The following NLRP10 variants were observed in gnomAD, a reference collection of about 807,000 sequenced individuals.
NLRP10 encodes the protein NACHT, LRR and PYD domains-containing protein 10.
Under a neutral mutation model 8.2 loss-of-function variants are expected in NLRP10, and 7 were observed. The ratio of observed to expected loss-of-function variants is 0.85; its 90% CI spans 0.48 to 1.60. The LOEUF (loss-of-function observed/expected upper bound fraction) is 1.60, where lower values mean the gene tolerates loss of function less well. Ranked by LOEUF, NLRP10 falls within the 40% of genes most tolerant of loss-of-function variation. The pLI is 0.00. For synonymous variants in NLRP10, 338 were observed against 314.0 expected (o/e 1.08, Z -0.81); for missense variants, 814 against 776.3 (o/e 1.05, Z -0.58).
Position 7,960,632 on chromosome 11 carries a change from T to C in NLRP10, c.980A>G (p.Tyr327Cys), listed in dbSNP as rs142828337. ...EEERARYFSS[Y>C]FTDEKQADRA... ...GTCAGCTTGCTTCTCATCCGTGAAATAGGAGCTGAAGTACCTCGCCCTCTC... is the reference window on the plus strand; with the variant it reads ...GTCAGCTTGCTTCTCATCCGTGAAACAGGAGCTGAAGTACCTCGCCCTCTC... Residue 327 changes from tyrosine to cysteine, a missense_variant, in exon 3 of 3, where the codon TAT (tyrosine) becomes TGT (cysteine). Transcript: ENST00000691676. 92 of 1,614,032 alleles carry C rather than the reference T, an allele frequency of 5.7e-5. No individual in the cohort carries two copies. The highest frequency in any genetic ancestry group is 7.2e-5 in the Non-Finnish European group (85 of 1,180,022).
chr11:7,964,495 T>C (rs1941788375), intron 1 of NLRP10, among the ~76,000 whole-genome samples: 1 of 152,350 alleles, frequency 6.6e-6, no homozygotes, highest in African/African-American at 2.4e-5. Flanking sequence ...TTACATATCC[T>C]TTTTGATCAT....
rs199475852 is a variant in NLRP10, at chr11:7,963,799, C to T, written c.-45-259G>A. 4.2e-6 allele frequency: 1 copy of T among 238,134 alleles called. No individual in the cohort carries two copies. The highest frequency in any genetic ancestry group is 7.3e-6 in the Non-Finnish European group (1 of 137,082). 14.8% of individuals were successfully genotyped at this position (238,134 alleles called of 1,614,324 possible). A position where few individuals can be genotyped will look rare whatever the true frequency, so the allele number is the denominator to read the frequency against. On this transcript the variant is annotated intron_variant, in intron 1 of 2. Coordinates refer to ENST00000691676, the MANE Select transcript of NLRP10 (RefSeq NM_001391958.1). ...ATCTCTCAATCTCTCTCTCTCTCCC[C>T]CAAACTCTATCTCTGTCTCTCTCTC...
chr11:7,962,468 C>T (rs1941749033), intron 2 of NLRP10, among the ~76,000 whole-genome samples: 1 of 151,858 alleles, frequency 6.6e-6, no homozygotes, highest in African/African-American at 2.4e-5. Flanking sequence ...GATCTCCTGA[C>T]CTCGTGATCC....
chr11:7,961,825 A>T (rs1941736654), intron 2 of NLRP10, among the ~76,000 whole-genome samples: 1 of 152,130 alleles, frequency 6.6e-6, no homozygotes, highest in Non-Finnish European at 1.5e-5. Flanking sequence ...TTGGGTGTTT[A>T]TCCCCTCCAA....
In NLRP10 at chr11:7,959,942, T is replaced by C; in HGVS notation, c.1670A>G (p.His557Arg). Residue 557 changes from histidine (H) to arginine (R), a missense_variant, in exon 3 of 3, where the codon CAC becomes CGC. Physicochemically the swap from His to Arg is conservative, Grantham distance 29 (BLOSUM62 0). Coordinates refer to ENST00000691676, the MANE Select transcript of NLRP10 (RefSeq NM_001391958.1). ...HFKEQMESMKHNRTWDLEFSL... is the reference protein window; with the variant it reads ...HFKEQMESMKRNRTWDLEFSL... The stretch of plus-strand genomic sequence containing the variant: ...GAATTCCAAATCCCAGGTCCTGTTG[T>C]GCTTCATAGATTCCATCTGTTCTTT... The C allele has an allele frequency of 6.2e-7, 1 of 1,614,214 alleles. No homozygotes were observed. Among genetic ancestry groups the C allele is most frequent in the Non-Finnish European group, 8.5e-7 (1 of 1,180,028 alleles).
At chr11:7,962,560 C>T (rs531611034) in intron 2 of NLRP10, among the ~76,000 whole-genome samples, 1 of 152,228 alleles carries the variant, frequency 6.6e-6, no homozygotes, top group South Asian at 2.1e-4. Context: ...TGGGAAAGGA[C>T]AAGCCAAATG....
Position 7,960,232 on chromosome 11 carries a change from C to T in NLRP10, c.1380G>A (p.Lys460=). 1 of 1,614,174 alleles carries T rather than the reference C, an allele frequency of 6.2e-7. No homozygotes were observed. Among genetic ancestry groups the T allele is most frequent in the Non-Finnish European group, 8.5e-7 (1 of 1,180,032 alleles). Residue 460 remains lysine, a synonymous_variant, in exon 3 of 3, where the codon AAG becomes AAA. Transcript: ENST00000691676. The stretch of plus-strand genomic sequence containing the variant: ...AGCTGATGTGGCGGAAGCTGTAGAA[C>T]TTCTTGATGGCAAGTCCCAATTGGT... The part of the protein sequence containing the change: ...NDYQLGLAIK[K]FYSFRHISFQ...
In NLRP10 at chr11:7,963,379, C is replaced by T. The variant is rs762937355; in HGVS notation, c.117G>A (p.Glu39=). ...KFYLRDMTLS[E]GQPPLARGEL... ...CCCCTCTGGCCAGTGGGGGCTGGCC[C>T]TCAGACAGGGTCATATCCCGTAAGT... The change falls in exon 2 of 3, where the codon GAG becomes GAA. Residue 39 remains glutamate (E), a synonymous_variant. Coordinates refer to ENST00000691676, the MANE Select transcript of NLRP10 (RefSeq NM_001391958.1). 2 of 1,614,204 alleles carry T rather than the reference C, an allele frequency of 1.2e-6. No homozygotes were observed. Among genetic ancestry groups the T allele is most frequent in the South Asian group, 2.2e-5 (2 of 91,084 alleles).
Position 7,963,301 on chromosome 11 carries a change from A to G in NLRP10, c.195T>C (p.Tyr65=), listed in dbSNP as rs1941764222. 1 of 1,614,192 alleles carries G rather than the reference A, an allele frequency of 6.2e-7. No individual in the cohort carries two copies. Among genetic ancestry groups the G allele is most frequent in the East Asian group, 2.2e-5 (1 of 44,876 alleles). Residue 65 remains tyrosine, a synonymous_variant, in exon 2 of 3, where the codon TAT becomes TAC. Coordinates refer to ENST00000691676, the MANE Select transcript of NLRP10 (RefSeq NM_001391958.1). The part of the protein sequence containing the change: ...VDLAELLISK[Y]GEKEAVKVVL... ...CAACTTTCACAGCCTCCTTTTCTCC[A>G]TACTTTGAAATCAGTAATTCTGCCA...
Position 7,965,402 on chromosome 11 carries a change from CTCA to C in NLRP10, c.-205_-203del, listed in dbSNP as rs1037365149. 1 of 152,190 alleles carries C rather than the reference CTCA, an allele frequency of 6.6e-6. No individual in the cohort carries two copies. The highest frequency in any genetic ancestry group is 2.4e-5 in the African/African-American group (1 of 41,426). 9.4% of individuals were successfully genotyped at this position (152,190 alleles called of 1,614,324 possible). On this transcript the variant is annotated 5_prime_UTR_variant, in exon 1 of 3. Transcript: ENST00000691676. ...CAAGTTTGGGCTCTCTTAGCCCATACTCACTAGTTCACTTCTGTTTGGTGGTGC... is the reference window on the plus strand; with the variant it reads ...CAAGTTTGGGCTCTCTTAGCCCATACCTAGTTCACTTCTGTTTGGTGGTGC...
rs1321569371 is a variant in NLRP10 at position 7,958,731 on chromosome 11, G to A, written c.*913C>T. Among the ~76,000 whole-genome samples, 1 of 152,084 alleles carries A rather than the reference G, an allele frequency of 6.6e-6. No homozygotes were observed. Among genetic ancestry groups the A allele is most frequent in the Non-Finnish European group, 1.5e-5 (1 of 68,008 alleles). On this transcript the variant is annotated 3_prime_UTR_variant, in exon 3 of 3. Coordinates refer to ENST00000691676, the MANE Select transcript of NLRP10 (RefSeq NM_001391958.1). ...CGCCCGGCTAACTTTCGTATTTTTAGTAAAGACGGGGTTTCACCACATTGG... is the reference window on the plus strand; with the variant it reads ...CGCCCGGCTAACTTTCGTATTTTTAATAAAGACGGGGTTTCACCACATTGG...
At position 7,960,671 on chromosome 11, in the gene NLRP10, C is replaced by G; in HGVS notation, c.941G>C (p.Gly314Ala). 6.2e-7 allele frequency: 1 copy of G among 1,614,156 alleles called. No homozygotes were observed. Among genetic ancestry groups the G allele is most frequent in the East Asian group, 2.2e-5 (1 of 44,880 alleles). ...LKQARHVHIL[G>A]FSEEERARYF... is the part of the protein sequence containing the mutation. ...CCTCGCCCTCTCCTCCTCAGAGAAGCCTAGGATATGGACATGACGTGCTTG... is the reference window on the plus strand; with the variant it reads ...CCTCGCCCTCTCCTCCTCAGAGAAGGCTAGGATATGGACATGACGTGCTTG... Residue 314 changes from glycine to alanine, a missense_variant, in exon 3 of 3, where the codon GGC (glycine) becomes GCC (alanine). Transcript: ENST00000691676.
chr11:7,963,566 T>TACACTGCTGAGAGGC, intron 1 of NLRP10, 26 bp from the exon 2 acceptor site: 5 of 1,436,442 alleles, frequency 3.5e-6, no homozygotes, highest in Non-Finnish European at 3.8e-6. Flanking sequence ...AAAGGAGAGG[T>TACACTGCTGAGAGGC]CCACTGCTGA....
intron 1 of NLRP10, 111 bp from the exon 2 acceptor site, chr11:7,963,651 A>G: frequency 3.3e-6 from 2 of 613,888 alleles, no homozygotes; most frequent in Non-Finnish European, 5.6e-6. Flanking sequence ...TACATGTGCA[A>G]AGCTCCAAGA....
rs1355296553 is a variant in NLRP10, at chr11:7,960,271, C to T, written c.1341G>A (p.Leu447=). The change falls in exon 3 of 3, where the codon CTG becomes CTA. Residue 447 remains leucine (L), a synonymous_variant. Transcript: ENST00000691676. The part of the protein sequence containing the change: ...NLDGPRLAAF[L]SSNDYQLGLA... ...GTCCCAATTGGTAGTCGTTACTACT[C>T]AGGAAAGCGGCAAGCCTGGGGCCAT... The T allele has an allele frequency of 6.2e-7, 1 of 1,614,040 alleles. No homozygotes were observed. The highest frequency in any genetic ancestry group is 2.2e-5 in the East Asian group (1 of 44,880).
At position 7,961,174 on chromosome 11, in the gene NLRP10, C is replaced by T. The variant is rs1247128766; in HGVS notation, c.438G>A (p.Glu146=). 1.2e-6 allele frequency: 2 copies of T among 1,613,922 alleles called. No homozygotes were observed. The highest frequency in any genetic ancestry group is 1.7e-6 in the Non-Finnish European group (2 of 1,179,988). ...ESLACPFPEQ[E]LESVTVEALF... ...GAGCCTCCACCGTGACAGACTCCAGCTCCTGCTCCGGGAAGGGGCAGGCAA... is the reference window on the plus strand; with the variant it reads ...GAGCCTCCACCGTGACAGACTCCAGTTCCTGCTCCGGGAAGGGGCAGGCAA... The change falls in exon 3 of 3, where the codon GAG becomes GAA. Residue 146 remains glutamate (E), a synonymous_variant. Coordinates refer to ENST00000691676, the MANE Select transcript of NLRP10 (RefSeq NM_001391958.1).
chr11:7,958,345 G>A lies in NLRP10; in HGVS notation c.*1299C>T, dbSNP rs920649708. 6.6e-6 allele frequency among the ~76,000 whole-genome samples: 1 copy of A among 152,170 alleles called. No homozygotes were observed. Among genetic ancestry groups the A allele is most frequent in the Non-Finnish European group, 1.5e-5 (1 of 68,042 alleles). ...ACCATTTTGCATTCTGACCAGCAAT[G>A]AATAAGGCTCCCACTACTCCACATC... On this transcript the variant is annotated 3_prime_UTR_variant, in exon 3 of 3. Coordinates refer to ENST00000691676, the MANE Select transcript of NLRP10 (RefSeq NM_001391958.1).
chr11:7,959,571 A>T lies in NLRP10; in HGVS notation c.*73T>A. The T allele has an allele frequency of 1.4e-6, 1 of 740,418 alleles. No homozygotes were observed. Among genetic ancestry groups the T allele is most frequent in the South Asian group, 2.1e-5 (1 of 47,976 alleles). 45.9% of individuals were successfully genotyped at this position (740,418 alleles called of 1,614,324 possible). A position where few individuals can be genotyped will look rare whatever the true frequency, so the allele number is the denominator to read the frequency against. The stretch of plus-strand genomic sequence containing the variant: ...ACATGGAAAATCTTCCCATTCATTT[A>T]CAGCTTCTTTGATTTCTTTCCTCAG... On this transcript the variant is annotated 3_prime_UTR_variant, in exon 3 of 3. Transcript: ENST00000691676.
rs776567093 is a variant in NLRP10, at chr11:7,960,405, C to G, written c.1207G>C (p.Glu403Gln). ...LPPDDDGGCS[E>Q]LSRHRVLRSL... ...CTCAGGACCCTGTGCCGGGAAAGCTCGGAGCAGCCCCCATCATCATCGGGC... is the reference window on the plus strand; with the variant it reads ...CTCAGGACCCTGTGCCGGGAAAGCTGGGAGCAGCCCCCATCATCATCGGGC... The change falls in exon 3 of 3, where the codon GAG (glutamate) becomes CAG (glutamine). Residue 403 changes from glutamate to glutamine, a missense_variant. Glu to Gln is a conservative substitution (Grantham distance 29). Coordinates refer to ENST00000691676, the MANE Select transcript of NLRP10 (RefSeq NM_001391958.1). The G allele has an allele frequency of 5.6e-6, 9 of 1,613,862 alleles. No homozygotes were observed. The highest frequency in any genetic ancestry group is 1.3e-5 in the African/African-American group (1 of 74,900).
Sources: allele counts gnomAD v4.1 joint callset (sites outside exome capture counted in the v4.1 genomes callset), GRCh38; gene constraint gnomAD v4.1.1; transcripts MANE v1.5; gene names NCBI Gene and HGNC (gene_info 2026-07-23, HGNC 2026-07-21).